Variants in FAM193A observed in about 807,000 individuals in gnomAD.
The protein encoded by FAM193A is protein FAM193A.
In FAM193A, 22 loss-of-function variants were observed where a neutral mutation model predicts 126.5. The observed-to-expected ratio is 0.17, with a 90% CI of 0.12 to 0.25. The LOEUF is 0.25. Among genes scored for constraint, FAM193A ranks in the 10% least tolerant of loss-of-function variants. FAM193A has a pLI of 1.00. For synonymous variants in FAM193A, 761 were observed against 646.8 expected, an observed-to-expected ratio of 1.18 and a Z score of -2.68; for missense variants, 1,675 against 1,672.8, an observed-to-expected ratio of 1.00 and a Z score of -0.02.
At chr4:2,637,136 G>A (rs1436353738) in intron 5 of FAM193A, among the ~76,000 whole-genome samples, 1 of 152,188 alleles carries the variant, frequency 6.6e-6, no homozygotes, top group East Asian at 1.9e-4. Context: ...AGACCAGCCT[G>A]GGCAACATGG....
intron 7 of FAM193A, 128 bp downstream of exon 7, chr4:2,646,960 T>C (rs1577130637): frequency 2.0e-6 from 2 of 1,024,526 alleles, no homozygotes; most frequent in African/African-American, 3.3e-5. Flanking sequence ...CAGAGGCGCA[T>C]GTGGGTAGCC....
At chr4:2,642,328 C>G (rs1258212185) in intron 6 of FAM193A, among the ~76,000 whole-genome samples, 2 of 151,838 alleles carry the variant, frequency 1.3e-5, no homozygotes, top group African/African-American at 4.8e-5. Context: ...AAAATCAGAA[C>G]AAGGTGTTAC....
At chr4:2,588,685 C>T (rs2108891983) in intron 1 of FAM193A, among the ~76,000 whole-genome samples, 1 of 151,728 alleles carries the variant, frequency 6.6e-6, no homozygotes, top group East Asian at 1.9e-4. Context: ...AAGCCACTTT[C>T]AGCCTCTGTT....
In FAM193A at chr4:2,696,543, C is replaced by T; in HGVS notation, c.3457C>T (p.Pro1153Ser). ...LQFINSSETK[P>S]VSSTRAAKRA... is the part of the protein sequence containing the mutation. Reference sequence around the variant, plus strand: ...GTTTATAAATAGCTCCGAAACCAAACCAGTGAGCAGCACGCGTGCAGCGAA... The same window carrying T: ...GTTTATAAATAGCTCCGAAACCAAATCAGTGAGCAGCACGCGTGCAGCGAA... Residue 1153 changes from proline (P) to serine (S), a missense_variant, in exon 18 of 21, where the codon CCA becomes TCA. Transcript: ENST00000637812. 1 of 1,614,192 alleles carries T rather than the reference C, an allele frequency of 6.2e-7. No homozygotes were observed. Among genetic ancestry groups the T allele is most frequent in the Non-Finnish European group, 8.5e-7 (1 of 1,180,028 alleles).
At chr4:2,601,524 C>CA (rs1741196530) in intron 2 of FAM193A, among the ~76,000 whole-genome samples, 1 of 151,916 alleles carries the variant, frequency 6.6e-6, no homozygotes, top group African/African-American at 2.4e-5. Context: ...CCTGAGCCAC[C>CA]ATACCCGGCT....
intron 2 of FAM193A, among the ~76,000 whole-genome samples, chr4:2,604,732 T>G (rs368065821): frequency 6.6e-6 from 1 of 151,720 alleles, no homozygotes; most frequent in African/African-American, 2.4e-5. Flanking sequence ...GCAGTATATA[T>G]AGAGGTAGAC....
chr4:2,602,353 CT>C (rs35168097), intron 2 of FAM193A, among the ~76,000 whole-genome samples: 4,219 of 128,488 alleles, frequency 0.033, 153 homozygotes, highest in African/African-American at 0.11. Flanking sequence ...ATGTTCTGTT[CT>C]TTTTTTTTTT....
intron 1 of FAM193A, among the ~76,000 whole-genome samples, chr4:2,567,044 A>G (rs1346725246): frequency 6.7e-6 from 1 of 149,378 alleles, no homozygotes; most frequent in Non-Finnish European, 1.5e-5. Context: ...GGTTCACGCC[A>G]TTCTCCTGCC....
chr4:2,700,846 C>G (rs1385217752), intron 19 of FAM193A, among the ~76,000 whole-genome samples: 1 of 152,116 alleles, frequency 6.6e-6, no homozygotes, highest in South Asian at 2.1e-4. Context: ...CACCTGTAAT[C>G]CTAGCTACTC....
intron 2 of FAM193A, among the ~76,000 whole-genome samples, chr4:2,623,328 C>G (rs183099756): frequency 1.3e-5 from 2 of 152,310 alleles, no homozygotes; most frequent in African/African-American, 4.8e-5. Flanking sequence ...CGCCACCACA[C>G]CCAGCTAATT....
chr4:2,709,089 T>C (rs1334600264), intron 19 of FAM193A, among the ~76,000 whole-genome samples: 1 of 152,150 alleles, frequency 6.6e-6, no homozygotes, highest in Non-Finnish European at 1.5e-5. Context: ...TCCTCATCTC[T>C]TGAGTGTTTT....
chr4:2,584,310 C>T (rs1025923879), intron 1 of FAM193A, among the ~76,000 whole-genome samples: 1 of 151,780 alleles, frequency 6.6e-6, no homozygotes, highest in Admixed American at 6.6e-5. Flanking sequence ...ACCTGTAATC[C>T]CAGCTACTCA....
chr4:2,721,888 C>T (rs1206939314), intron 20 of FAM193A, among the ~76,000 whole-genome samples: 1 of 152,140 alleles, frequency 6.6e-6, no homozygotes, highest in Non-Finnish European at 1.5e-5. Context: ...GTGTTCATAC[C>T]GCAGTGAAGA....
intron 13 of FAM193A, among the ~76,000 whole-genome samples, chr4:2,684,644 C>G (rs1004081276): frequency 5.3e-5 from 8 of 152,156 alleles, no homozygotes; most frequent in African/African-American, 1.9e-4. Context: ...TCTGCTGATG[C>G]GAGAGCTGCC....
intron 12 of FAM193A, among the ~76,000 whole-genome samples, chr4:2,671,440 C>T (rs1158229022): frequency 6.6e-6 from 1 of 152,196 alleles, no homozygotes. Context: ...CGCTGACATC[C>T]CTGCAGTCAC....
chr4:2,713,673 C>T (rs1245294577), intron 19 of FAM193A, among the ~76,000 whole-genome samples: 1 of 152,190 alleles, frequency 6.6e-6, no homozygotes. Context: ...TCTGCTCTGT[C>T]AGAACACACG....
intron 20 of FAM193A, among the ~76,000 whole-genome samples, chr4:2,726,986 C>A (rs1354746331): frequency 6.9e-6 from 1 of 145,324 alleles, no homozygotes. Context: ...ACCAGCCGGG[C>A]GCAGTGGCTC....
At chr4:2,596,370 C>T (rs760860882) in intron 2 of FAM193A, 41 bp downstream of exon 2, 1 of 688,868 alleles carries the variant, frequency 1.5e-6, no homozygotes, top group South Asian at 1.5e-5. Flanking sequence ...GCGTTGGCTC[C>T]CCCCGCCCAG....
At chr4:2,582,366 C>T (rs1198716957) in intron 1 of FAM193A, among the ~76,000 whole-genome samples, 1 of 152,064 alleles carries the variant, frequency 6.6e-6, no homozygotes, top group Admixed American at 6.6e-5. Flanking sequence ...CTCCTGAACT[C>T]CTGGGTTCAA....
Sources: gnomAD v4.1 joint callset for allele counts (sites outside exome capture counted in the v4.1 genomes callset) on GRCh38, gnomAD v4.1.1 for gene constraint, MANE v1.5 for transcripts, NCBI Gene and HGNC (gene_info 2026-07-23, HGNC 2026-07-21) for gene names.